SEMA4G: variants seen among roughly 807,000 people sequenced by gnomAD.
SEMA4G encodes semaphorin 4G.
In SEMA4G, 59 loss-of-function variants were observed where a neutral mutation model predicts 81.2. That is an observed-to-expected ratio of 0.73 (90% CI 0.59 to 0.90). SEMA4G has a LOEUF of 0.90. Among genes scored for constraint, SEMA4G ranks in the 40% least tolerant of loss-of-function variants. The pLI is 0.00. For synonymous variants in SEMA4G, 404 were observed against 433.9 expected (o/e 0.93, Z 0.86); for missense variants, 952 against 1,102.3 (o/e 0.86, Z 1.93).
chr10:100,977,242 G>C (rs1320105947), intron 3 of SEMA4G, among the ~76,000 whole-genome samples: 2 of 152,162 alleles, frequency 1.3e-5, no homozygotes, highest in Non-Finnish European at 2.9e-5. Context: ...AGATTTGGTT[G>C]TATCACCCCA....
intron 3 of SEMA4G, among the ~76,000 whole-genome samples, chr10:100,974,081 G>A (rs1850712185): frequency 6.6e-6 from 1 of 151,974 alleles, no homozygotes; most frequent in South Asian, 2.1e-4. Flanking sequence ...CGGCATCTGG[G>A]CACAGTACTT....
exon 1 of SEMA4G, chr10:100,972,666 C>T: frequency 2.1e-6 from 1 of 474,436 alleles, no homozygotes; most frequent in South Asian, 3.2e-5. Context: ...GCATGTGATC[C>T]CTCCCTCCTT....
At chr10:100,978,320 C>T (rs887525390) in exon 5 of SEMA4G, 1 of 1,613,414 alleles carries the variant, frequency 6.2e-7, no homozygotes, top group Non-Finnish European at 8.5e-7. Flanking sequence ...ACCTTGCCAA[C>T]CAGCTTCGAG....
At chr10:100,983,688 G>A in exon 14 of SEMA4G, 1 of 1,613,466 alleles carries the variant, frequency 6.2e-7, no homozygotes, top group Non-Finnish European at 8.5e-7. Context: ...CCTCATCCTG[G>A]CCTCCTCCCT....
intron 4 of SEMA4G, 56 bp downstream of exon 5, chr10:100,977,786 T>C: frequency 7.1e-7 from 1 of 1,408,298 alleles, no homozygotes; most frequent in Non-Finnish European, 1.0e-6. Flanking sequence ...GATGGGATCA[T>C]GTTCAAGATG....
chr10:100,981,436 T>C (rs750635862), intron 13 of SEMA4G: 75 of 1,613,964 alleles, frequency 4.6e-5, no homozygotes, highest in Non-Finnish European at 6.3e-5. Flanking sequence ...ATATTTAAGA[T>C]GTGAAGTGTC....
chr10:100,970,816 C>T (rs1322787435), upstream of SEMA4G, among the ~76,000 whole-genome samples: 1 of 152,192 alleles, frequency 6.6e-6, no homozygotes, highest in African/African-American at 2.4e-5. Context: ...GCCTGGCCCA[C>T]TATATCAATG....
chr10:100,969,944 G>T (rs1380700264), upstream of SEMA4G: 3 of 451,846 alleles, frequency 6.6e-6, no homozygotes, highest in Admixed American at 2.4e-5. Flanking sequence ...GACGAAGGGA[G>T]AGGACCGCGG....
chr10:100,982,430 A>T (rs564952776), intron 13 of SEMA4G, among the ~76,000 whole-genome samples: 1 of 152,258 alleles, frequency 6.6e-6, no homozygotes, highest in East Asian at 1.9e-4. Flanking sequence ...GCCAGGAGTC[A>T]TGGAAGGAGA....
intron 3 of SEMA4G, among the ~76,000 whole-genome samples, chr10:100,977,399 GA>G (rs1251906404): frequency 1.3e-5 from 2 of 152,238 alleles, no homozygotes; most frequent in African/African-American, 4.8e-5. Flanking sequence ...GATATTGGCA[GA>G]ATGGTGTCAG....
chr10:100,974,774 A>G (rs1297320755), intron 3 of SEMA4G, among the ~76,000 whole-genome samples: 1 of 151,756 alleles, frequency 6.6e-6, no homozygotes, highest in African/African-American at 2.4e-5. Context: ...CAGGGGTCCC[A>G]TGTCTGGCTA....
chr10:100,978,953 G>A, exon 7 of SEMA4G: 2 of 1,614,212 alleles, frequency 1.2e-6, no homozygotes, highest in South Asian at 2.2e-5. Flanking sequence ...CACTGAGGAG[G>A]GCTCTGGCAG....
At chr10:100,979,395 T>C in intron 8 of SEMA4G, 124 bp downstream of exon 9, 5 of 1,590,426 alleles carry the variant, frequency 3.1e-6, no homozygotes, top group Non-Finnish European at 3.4e-6. Flanking sequence ...AATTTTTTTT[T>C]TTTTTTAAGA....
At chr10:100,971,110 G>A (rs891151600), upstream of SEMA4G, among the ~76,000 whole-genome samples, 14 of 75,126 alleles carry the variant, frequency 1.9e-4, no homozygotes, top group African/African-American at 8.1e-4. Context: ...AGTCCTCCTT[G>A]TGAACATGTG....
exon 1 of SEMA4G, chr10:100,972,966 C>T (rs528334576): frequency 1.2e-6 from 2 of 1,613,812 alleles, no homozygotes; most frequent in East Asian, 2.2e-5. Flanking sequence ...CAACTGCAGT[C>T]CCAGGACCCT....
chr10:100,972,932 C>A, exon 1 of SEMA4G: 1 of 1,612,086 alleles, frequency 6.2e-7, no homozygotes, highest in South Asian at 1.1e-5. Flanking sequence ...AGGCTCTGGC[C>A]CCTCCTCCTC....
chr10:100,975,259 C>T (rs1331653511), intron 3 of SEMA4G, among the ~76,000 whole-genome samples: 3 of 152,180 alleles, frequency 2.0e-5, no homozygotes, highest in South Asian at 4.1e-4. Flanking sequence ...CTTAGTAGGT[C>T]TGGGGAAGGG....
chr10:100,973,667 G>A lies in SEMA4G; in HGVS notation c.336+58G>A. ...CTCCCCTTCTTCCTCAATCAGGGAT[G>A]CCAGGATTGTTGGGGACACAGATGG... On this transcript the variant is annotated intron_variant, in intron 3 of 13. Coordinates refer to ENST00000370250, the Ensembl canonical transcript of SEMA4G. The surrounding 1 kb of genome is among the most constrained non-coding windows in gnomAD (Gnocchi z 5.5). The A allele has an allele frequency of 2.0e-6, 3 of 1,527,520 alleles. No individual in the cohort carries two copies. In the Admixed American group the frequency reaches 5.2e-5, roughly 26 times the overall value. 94.6% of individuals were successfully genotyped at this position (1,527,520 alleles called of 1,614,324 possible). A position where few individuals can be genotyped will look rare whatever the true frequency, so the allele number is the denominator to read the frequency against.
At chr10:100,979,474 C>A (rs559177508) in intron 8 of SEMA4G, 28 of 1,381,254 alleles carry the variant, frequency 2.0e-5, no homozygotes, top group Non-Finnish European at 2.5e-5. Flanking sequence ...TCTCCGCCTC[C>A]CGGGTTCAAG....
Sources: allele counts gnomAD v4.1 joint callset (sites outside exome capture counted in the v4.1 genomes callset), GRCh38; gene constraint gnomAD v4.1.1; non-coding constraint Gnocchi (gnomAD v3.1); transcripts MANE v1.5; gene names NCBI Gene and HGNC (gene_info 2026-07-23, HGNC 2026-07-21).